Variants in ZNF100 observed in about 807,000 individuals in gnomAD.
The protein encoded by ZNF100 is zinc finger protein 100 (Y1).
ZNF100 carries 12 observed loss-of-function variants against 15.8 expected under a neutral mutation model. That is an observed-to-expected ratio of 0.76 (90% confidence interval 0.49 to 1.23). ZNF100 has a LOEUF of 1.23. Ranked by LOEUF, ZNF100 falls within the 50% of genes most tolerant of loss-of-function variation. The pLI is 0.00. For missense variants in ZNF100, 670 were observed against 635.6 expected (o/e 1.05, Z -0.58); for synonymous variants, 226 against 214.8 (o/e 1.05, Z -0.45).
chr19:21,733,770 C>A (rs1376194945), intron 4 of ZNF100, among the ~76,000 whole-genome samples: 1 of 34,368 alleles, frequency 2.9e-5, no homozygotes, highest in Non-Finnish European at 1.2e-4. Context: ...GACCACCCCA[C>A]CAACAGGCAT....
intron 4 of ZNF100, among the ~76,000 whole-genome samples, chr19:21,729,918 A>C (rs192537585): frequency 6.6e-6 from 1 of 152,062 alleles, no homozygotes; most frequent in Non-Finnish European, 1.5e-5. Flanking sequence ...ATATACTGTT[A>C]TATCTTTTAG....
In ZNF100 at chr19:21,722,823, AAT is replaced by A. The variant is rs1217209829; in HGVS notation, c.*3858_*3859del. ...AATAAAAGTATGTTACATAATAAAAAATAAATTTAAAATTGTTCACTTACCAT... is the reference window on the plus strand; with the variant it reads ...AATAAAAGTATGTTACATAATAAAAAAAATTTAAAATTGTTCACTTACCAT... On this transcript the variant is annotated 3_prime_UTR_variant, in exon 5 of 5. Transcript: ENST00000358296. The A allele has an allele frequency of 4.0e-5, 6 of 151,498 alleles. No individual in the cohort carries two copies. In the East Asian group the frequency reaches 1.2e-3, roughly 29 times the overall value. 9.4% of individuals were successfully genotyped at this position (151,498 alleles called of 1,614,324 possible). A position where few individuals can be genotyped will look rare whatever the true frequency, so the allele number is the denominator to read the frequency against.
intron 2 of ZNF100, among the ~76,000 whole-genome samples, chr19:21,755,874 C>G (rs1007764560): frequency 6.6e-6 from 1 of 152,076 alleles, no homozygotes; most frequent in African/African-American, 2.4e-5. Flanking sequence ...TAAGTGGGAG[C>G]TGAACAATGA....
At chr19:21,759,095 T>C (rs528523026) in intron 2 of ZNF100, among the ~76,000 whole-genome samples, 14 of 152,292 alleles carry the variant, frequency 9.2e-5, no homozygotes, top group African/African-American at 3.1e-4. Flanking sequence ...TCTCATAACA[T>C]TGCCCTCTTT....
intron 2 of ZNF100, among the ~76,000 whole-genome samples, chr19:21,758,176 A>ATCT (rs1455115606): frequency 6.6e-6 from 1 of 152,174 alleles, no homozygotes; most frequent in African/African-American, 2.4e-5. Flanking sequence ...TAGCCTTAGA[A>ATCT]AACTCATGCA....
At chr19:21,745,517 C>CTT (rs748619557) in intron 2 of ZNF100, among the ~76,000 whole-genome samples, 6 of 142,658 alleles carry the variant, frequency 4.2e-5, no homozygotes, top group Non-Finnish European at 6.2e-5. Context: ...GAATTTCTTT[C>CTT]TTTTTTTTTT....
intron 2 of ZNF100, among the ~76,000 whole-genome samples, chr19:21,749,817 C>T (rs983359632): frequency 4.6e-5 from 7 of 152,356 alleles, no homozygotes; most frequent in African/African-American, 1.7e-4. Flanking sequence ...TCTACACTGA[C>T]ATCTCACAAT....
intron 4 of ZNF100, among the ~76,000 whole-genome samples, chr19:21,729,815 G>T (rs1448911740): frequency 6.6e-6 from 1 of 151,684 alleles, no homozygotes; most frequent in Non-Finnish European, 1.5e-5. Context: ...AACATAAAAA[G>T]ATATAATTAG....
rs1284425741 is a variant in ZNF100, at chr19:21,727,730, T to C, written c.582A>G (p.Arg194=). ...TCTTTCTAGTATGTCTTATCTTATGTCTGTTTGAATTTGAAAATGTATGAA... is the reference window on the plus strand; with the variant it reads ...TCTTTCTAGTATGTCTTATCTTATGCCTGTTTGAATTTGAAAATGTATGAA... The part of the protein sequence containing the change: ...KVFHTFSNSN[R]HKIRHTRKKP... Residue 194 remains arginine, a synonymous_variant, in exon 5 of 5, where the codon AGA becomes AGG. Coordinates refer to ENST00000358296, the MANE Select transcript of ZNF100 (RefSeq NM_173531.4). 2 of 1,613,808 alleles carry C rather than the reference T, an allele frequency of 1.2e-6. No homozygotes were observed. The highest frequency in any genetic ancestry group is 1.7e-6 in the Non-Finnish European group (2 of 1,179,882).
Position 21,726,804 on chromosome 19 carries a change from T to G in ZNF100, c.1508A>C (p.His503Pro), listed in dbSNP as rs1249954658. The G allele has an allele frequency of 6.2e-7, 1 of 1,613,898 alleles. No homozygotes were observed. The highest frequency in any genetic ancestry group is 1.1e-5 in the South Asian group (1 of 91,076). Residue 503 changes from histidine to proline, a missense_variant, in exon 5 of 5, where the codon CAT (histidine) becomes CCT (proline). Physicochemically the swap from His to Pro is moderately conservative, Grantham distance 77 (BLOSUM62 -2). Transcript: ENST00000358296. The part of the protein sequence containing the change: ...AFNRSSTLTK[H>P]KITHTGEKSY... ...TTTCTCTCCAGTATGAGTTATCTTATGTTTAGTAAGGGTTGAGGATCGGTT... is the reference window on the plus strand; with the variant it reads ...TTTCTCTCCAGTATGAGTTATCTTAGGTTTAGTAAGGGTTGAGGATCGGTT...
rs563637030 is a variant in ZNF100, at chr19:21,765,474, T to G, written c.96+220A>C. ...GGGGTCAGTTCTGTTGTTGTTTGTC[T>G]TTTGGAATACTTTTTGGTAACAAAA... On this transcript the variant is annotated intron_variant, in intron 2 of 4. Coordinates refer to ENST00000358296, the MANE Select transcript of ZNF100 (RefSeq NM_173531.4). Among the ~76,000 whole-genome samples, 84 of 152,372 alleles carry G rather than the reference T, an allele frequency of 5.5e-4. 1 individual carries two copies. The highest frequency in any genetic ancestry group is 1.9e-3 in the African/African-American group (77 of 41,590).
chr19:21,726,726 A>C lies in ZNF100; in HGVS notation c.1586T>G (p.Ile529Ser). 1.3e-6 allele frequency: 2 copies of C among 1,597,560 alleles called. No homozygotes were observed. Among genetic ancestry groups the C allele is most frequent in the South Asian group, 1.1e-5 (1 of 88,890 alleles). The stretch of plus-strand genomic sequence containing the variant: ...TCTCCAGTATGAGTTATTTTGTTTA[A>C]TAAGGCTTAGGGACTGGTTAAAGTC... ...GKDFNQSLSL[I>S]KQNNSYWRET... Residue 529 changes from isoleucine to serine, a missense_variant, in exon 5 of 5, where the codon ATT (isoleucine) becomes AGT (serine). Physicochemically the swap from Ile to Ser is moderately radical, Grantham distance 142. Coordinates refer to ENST00000358296, the MANE Select transcript of ZNF100 (RefSeq NM_173531.4).
chr19:21,741,877 T>A (rs889222048), intron 4 of ZNF100, among the ~76,000 whole-genome samples: 3 of 152,144 alleles, frequency 2.0e-5, no homozygotes, highest in African/African-American at 7.2e-5. Flanking sequence ...GGAATCTCCC[T>A]GTGTTGCCCT....
intron 4 of ZNF100, among the ~76,000 whole-genome samples, chr19:21,728,778 A>C (rs1181531983): frequency 6.6e-6 from 1 of 152,020 alleles, no homozygotes; most frequent in Non-Finnish European, 1.5e-5. Context: ...AAAAATATAA[A>C]ATTTTAAAAA....
At chr19:21,757,546 G>A (rs903893250) in intron 2 of ZNF100, among the ~76,000 whole-genome samples, 2 of 152,252 alleles carry the variant, frequency 1.3e-5, no homozygotes, top group African/African-American at 2.4e-5. Context: ...GTGAAAAGCA[G>A]TGTGGCGATT....
intron 2 of ZNF100, among the ~76,000 whole-genome samples, chr19:21,757,641 C>T (rs554752774): frequency 6.6e-6 from 1 of 152,274 alleles, no homozygotes; most frequent in East Asian, 1.9e-4. Context: ...AATTATTCTA[C>T]CATAAAGTCA....
At position 21,724,655 on chromosome 19, in the gene ZNF100, T is replaced by C. The variant is rs1486686072; in HGVS notation, c.*2028A>G. On this transcript the variant is annotated 3_prime_UTR_variant, in exon 5 of 5. Coordinates refer to ENST00000358296, the MANE Select transcript of ZNF100 (RefSeq NM_173531.4). The stretch of plus-strand genomic sequence containing the variant: ...GATGGATACCTCATTTACCCTGATG[T>C]GATTATTATATACTGTATTCTTGTA... 3 of 149,888 alleles carry C rather than the reference T, an allele frequency of 2.0e-5. No individual in the cohort carries two copies. Among genetic ancestry groups the C allele is most frequent in the Non-Finnish European group, 4.4e-5 (3 of 67,482 alleles). 9.3% of individuals were successfully genotyped at this position (149,888 alleles called of 1,614,324 possible).
intron 2 of ZNF100, among the ~76,000 whole-genome samples, chr19:21,757,966 G>A (rs2036416799): frequency 6.6e-6 from 1 of 152,096 alleles, no homozygotes; most frequent in African/African-American, 2.4e-5. Context: ...GAGCCTTGGA[G>A]GTTGAGGCTG....
intron 4 of ZNF100, among the ~76,000 whole-genome samples, chr19:21,733,167 C>T (rs1332177245): frequency 6.6e-6 from 1 of 152,130 alleles, no homozygotes; most frequent in Non-Finnish European, 1.5e-5. Context: ...AATGTAAATA[C>T]AGACACATAT....
Sources: gnomAD v4.1 joint callset for allele counts (sites outside exome capture counted in the v4.1 genomes callset) on GRCh38, gnomAD v4.1.1 for gene constraint, MANE v1.5 for transcripts, NCBI Gene and HGNC (gene_info 2026-07-23, HGNC 2026-07-21) for gene names.